The following PPIL6 variants were observed in gnomAD, a reference collection of about 807,000 sequenced individuals.
PPIL6 encodes peptidylprolyl isomerase like 6, also known as probable inactive peptidyl-prolyl cis-trans isomerase-like 6.
A neutral mutation model predicts 36.8 loss-of-function variants in PPIL6; 39 were observed. The ratio of observed to expected loss-of-function variants is 1.06; its 90% CI spans 0.82 to 1.38. The LOEUF (loss-of-function observed/expected upper bound fraction) is 1.38, where lower values mean the gene tolerates loss of function less well. Among genes scored for constraint, PPIL6 ranks in the 40% most tolerant of loss-of-function variants. PPIL6 has a pLI of 0.00. For missense variants in PPIL6, 368 were observed against 379.1 expected, an observed-to-expected ratio of 0.97 and a Z score of 0.24; for synonymous variants, 123 against 134.1, an observed-to-expected ratio of 0.92 and a Z score of 0.57.
At chr6:109,440,286 T>C in intron 1 of PPIL6, 170 bp downstream of exon 1, 7 of 826,492 alleles carry the variant, frequency 8.5e-6, no homozygotes, top group Non-Finnish European at 1.4e-5. Context: ...CCCTATACTC[T>C]CCTCCCGGTC....
rs927371865 is a variant in PPIL6 at position 109,402,451 on chromosome 6, G to A, written c.689-2281C>T. 1.8e-4 allele frequency among the ~76,000 whole-genome samples: 27 copies of A among 152,034 alleles called. No homozygotes were observed. The East Asian group carries it at 4.5e-3, about 25-fold the overall frequency. On this transcript the variant is annotated intron_variant, in intron 6 of 7. Coordinates refer to ENST00000521072, the MANE Select transcript of PPIL6 (RefSeq NM_173672.5). ...CTTAGGAGGCTTAGGCACAAGAATC[G>A]CTTGAACCCAGGAGGCGGAGGTTGC... is the stretch of plus-strand genomic sequence containing the variant.
intron 6 of PPIL6, among the ~76,000 whole-genome samples, chr6:109,406,214 C>A (rs547933608): frequency 6.9e-6 from 1 of 144,992 alleles, no homozygotes; most frequent in East Asian, 2.0e-4. Flanking sequence ...CCACGCCCAG[C>A]TAATTTTTTT....
At chr6:109,398,079 A>G (rs1331695698) in intron 7 of PPIL6, among the ~76,000 whole-genome samples, 1 of 152,050 alleles carries the variant, frequency 6.6e-6, no homozygotes, top group African/African-American at 2.4e-5. Flanking sequence ...TTTAGGAGAG[A>G]TGGGGTTTCA....
chr6:109,416,512 CTTT>C (rs35346449), intron 6 of PPIL6, among the ~76,000 whole-genome samples: 111 of 139,260 alleles, frequency 8.0e-4, no homozygotes, highest in Middle Eastern at 3.6e-3. Flanking sequence ...CTTTTTGTGG[CTTT>C]TTTTTTTTTT....
chr6:109,408,238 G>A (rs1582543651), intron 6 of PPIL6, among the ~76,000 whole-genome samples: 2 of 151,968 alleles, frequency 1.3e-5, no homozygotes, highest in East Asian at 3.9e-4. Context: ...ATTTTCTTCT[G>A]GCATAAAGTG....
intron 1 of PPIL6, among the ~76,000 whole-genome samples, chr6:109,436,570 A>G (rs982079328): frequency 6.6e-6 from 1 of 152,178 alleles, no homozygotes; most frequent in African/African-American, 2.4e-5. Flanking sequence ...ATACAAAAAA[A>G]TTAGCCAGGC....
At chr6:109,436,407 T>TGCCTCGAA (rs1774449881) in intron 1 of PPIL6, among the ~76,000 whole-genome samples, 1 of 152,156 alleles carries the variant, frequency 6.6e-6, no homozygotes, top group African/African-American at 2.4e-5. Context: ...TTTGTATAAG[T>TGCCTCGAA]GCCTCGAAGC....
chr6:109,431,650 G>A (rs563408068), intron 2 of PPIL6, among the ~76,000 whole-genome samples: 1 of 152,068 alleles, frequency 6.6e-6, no homozygotes, highest in Non-Finnish European at 1.5e-5. Flanking sequence ...GCCCAGAAAG[G>A]CATTTAAAAT....
In PPIL6 at chr6:109,400,096, A is replaced by T; in HGVS notation, c.763T>A (p.Ser255Thr). 6.2e-7 allele frequency: 1 copy of T among 1,613,914 alleles called. No homozygotes were observed. Among genetic ancestry groups the T allele is most frequent in the South Asian group, 1.1e-5 (1 of 91,068 alleles). Reference sequence around the variant, plus strand: ...GCTTGCAGTGTGATATAGAATTGTGACCCGTTGCTGTGACGGCCTTTGTTG... The same window carrying T: ...GCTTGCAGTGTGATATAGAATTGTGTCCCGTTGCTGTGACGGCCTTTGTTG... ...MANKGRHSNG[S>T]QFYITLQATP... The change falls in exon 7 of 8, where the codon TCA becomes ACA. Residue 255 changes from serine (S) to threonine (T), a missense_variant. Transcript: ENST00000521072.
chr6:109,417,511 A>G (rs17070580), intron 6 of PPIL6, among the ~76,000 whole-genome samples: 69,035 of 151,944 alleles, frequency 0.45, 16,934 homozygotes, highest in African/African-American at 0.67. Context: ...TTCACTATCA[A>G]TGCTGATGTT....
At position 109,440,309 on chromosome 6, in the gene PPIL6, C is replaced by A. The variant is rs753097032; in HGVS notation, c.135+147G>T. The A allele has an allele frequency of 6.0e-5, 63 of 1,051,514 alleles. No individual in the cohort carries two copies. The African/African-American group carries it at 9.6e-4, about 16-fold the overall frequency. The allele number at this position is 1,051,514 out of a possible 1,614,324, so 65.1% of individuals were successfully genotyped here. ...TCTCCTCCCGGTCCTCCAGACGGAG[C>A]CCGCCCGGCCAGGACACGCCAGCCC... On this transcript the variant is annotated intron_variant, in intron 1 of 7. Coordinates refer to ENST00000521072, the MANE Select transcript of PPIL6 (RefSeq NM_173672.5).
intron 6 of PPIL6, among the ~76,000 whole-genome samples, chr6:109,410,142 A>C (rs1349661242): frequency 2.0e-5 from 3 of 152,022 alleles, no homozygotes; most frequent in African/African-American, 7.2e-5. Context: ...AGAGATCTTC[A>C]CCCGTGTCCC....
At position 109,434,671 on chromosome 6, in the gene PPIL6, G is replaced by T. The variant is rs116703501; in HGVS notation, c.231+1433C>A. On this transcript the variant is annotated intron_variant, in intron 2 of 7. Transcript: ENST00000521072. ...TCACAGGATCACAGGACATCCTTGT[G>T]CAACCCAGCACAGAACAATCGAAAC... is the stretch of plus-strand genomic sequence containing the variant. Among the ~76,000 whole-genome samples the T allele has an allele frequency of 2.1e-3, 325 of 152,258 alleles. 3 individuals carry two copies. The highest frequency in any genetic ancestry group is 7.6e-3 in the African/African-American group (317 of 41,546).
chr6:109,440,416 CG>C, intron 1 of PPIL6, 39 bp downstream of exon 1: 1 of 1,530,282 alleles, frequency 6.5e-7, no homozygotes, highest in Non-Finnish European at 8.8e-7. Context: ...GAGCGGGTAG[CG>C]GGGAGGGCCG....
chr6:109,397,835 A>G (rs1463622666), intron 7 of PPIL6, among the ~76,000 whole-genome samples: 1 of 152,100 alleles, frequency 6.6e-6, no homozygotes, highest in African/African-American at 2.4e-5. Context: ...AGAGATTTAA[A>G]TGGTCCAAGA....
intron 6 of PPIL6, among the ~76,000 whole-genome samples, chr6:109,409,000 T>C (rs1582544698): frequency 6.6e-6 from 1 of 152,146 alleles, no homozygotes; most frequent in East Asian, 1.9e-4. Context: ...AATTCAACAA[T>C]ACATTAAAAG....
At chr6:109,408,616 C>T (rs918177643) in intron 6 of PPIL6, among the ~76,000 whole-genome samples, 1 of 151,882 alleles carries the variant, frequency 6.6e-6, no homozygotes, top group African/African-American at 2.4e-5. Flanking sequence ...GCTGTATAAC[C>T]ACCACCTAAA....
intron 1 of PPIL6, among the ~76,000 whole-genome samples, chr6:109,437,704 G>A (rs1446386328): frequency 6.6e-6 from 1 of 151,854 alleles, no homozygotes. Flanking sequence ...ACAGGCACCC[G>A]CCACCACGCC....
intron 6 of PPIL6, among the ~76,000 whole-genome samples, chr6:109,406,461 G>C (rs1319471229): frequency 6.6e-6 from 1 of 152,048 alleles, no homozygotes; most frequent in Admixed American, 6.6e-5. Context: ...CATATTCTTT[G>C]GTAGTGTGTT....
Sources: gnomAD v4.1 joint callset for allele counts (sites outside exome capture counted in the v4.1 genomes callset) on GRCh38, gnomAD v4.1.1 for gene constraint, MANE v1.5 for transcripts, NCBI Gene and HGNC (gene_info 2026-07-23, HGNC 2026-07-21) for gene names.